Variants in MAF1 observed in about 807,000 individuals in gnomAD.
MAF1 encodes MAF1 negative regulator of RNA polymerase III, also known as repressor of RNA polymerase III transcription MAF1 homolog.
In MAF1, 7 loss-of-function variants were observed where a neutral mutation model predicts 31.9. The observed-to-expected ratio is 0.22, with a 90% confidence interval of 0.12 to 0.41. The LOEUF (loss-of-function observed/expected upper bound fraction) is 0.41. Among genes scored for constraint, MAF1 ranks in the 10% least tolerant of loss-of-function variants. The pLI is 1.00. For missense variants in MAF1, 221 were observed against 323.1 expected, an observed-to-expected ratio of 0.68 and a Z score of 2.42; for synonymous variants, 157 against 120.0, an observed-to-expected ratio of 1.31 and a Z score of -2.02.
chr8:144,106,068 C>T lies in MAF1; in HGVS notation c.213-8C>T, dbSNP rs773124678. 84 of 1,613,634 alleles carry T rather than the reference C, an allele frequency of 5.2e-5. No homozygotes were observed. Among genetic ancestry groups the T allele is most frequent in the Admixed American group, 8.3e-5 (5 of 60,032 alleles). On this transcript the variant is annotated splice_polypyrimidine_tract_variant and splice_region_variant and intron_variant, in intron 3 of 7. Coordinates refer to ENST00000322428, the MANE Select transcript of MAF1 (RefSeq NM_032272.5). ...TGATGGGCCCAGCTGATGGTTCTGT[C>T]TGTGCAGACTCAGCAAAAGCCAAGG...
At position 144,107,213 on chromosome 8, in the gene MAF1, C is replaced by A; in HGVS notation, c.*104C>A. The A allele has an allele frequency of 7.0e-7, 1 of 1,428,004 alleles. No homozygotes were observed. Among genetic ancestry groups the A allele is most frequent in the Non-Finnish European group, 9.6e-7 (1 of 1,036,386 alleles). 88.5% of individuals were successfully genotyped at this position (1,428,004 alleles called of 1,614,324 possible). On this transcript the variant is annotated 3_prime_UTR_variant, in exon 8 of 8. Transcript: ENST00000322428. ...TCCCCAGCTGCTGGCCAGACCCTGG[C>A]GCTGCCACAGTCCTGGCACTGCCCA...
rs757765007 is a variant in MAF1 at position 144,106,148 on chromosome 8, C to G, written c.285C>G (p.Tyr95Ter). The change falls in exon 4 of 8, where the codon TAC becomes TAG. Residue 95 changes from tyrosine (Y) to a stop codon, truncating the protein, a stop_gained. Transcript: ENST00000322428. LOFTEE classifies it high-confidence loss of function. ...AGTGCAGCCGCAAGACCCTCTTCTACCTGATTGCCACGCTCAATGAGTCCT... is the reference window on the plus strand; with the variant it reads ...AGTGCAGCCGCAAGACCCTCTTCTAGCTGATTGCCACGCTCAATGAGTCCT... ...SDKCSRKTLF[Y>*]LIATLNESFR... 1 of 1,613,824 alleles carries G rather than the reference C, an allele frequency of 6.2e-7. No homozygotes were observed. Among genetic ancestry groups the G allele is most frequent in the Admixed American group, 1.7e-5 (1 of 60,028 alleles).
rs1335666729 is a variant in MAF1, at chr8:144,107,514, G to A, written c.*405G>A. The A allele has an allele frequency of 2.0e-5, 12 of 592,662 alleles. No homozygotes were observed. The highest frequency in any genetic ancestry group is 5.8e-5 in the Admixed American group (2 of 34,358). The allele number at this position is 592,662 out of a possible 1,614,324, so 36.7% of individuals were successfully genotyped here. ...CCGGCTCTGGTCTTGGGCCGGCCCC[G>A]GTGCCCACCTGTACCCCCACCTCGC... is the stretch of plus-strand genomic sequence containing the variant. On this transcript the variant is annotated 3_prime_UTR_variant, in exon 8 of 8. Transcript: ENST00000322428.
Position 144,105,708 on chromosome 8 carries a change from T to C in MAF1, c.25T>C (p.Phe9Leu), listed in dbSNP as rs766596518. 7 of 1,613,236 alleles carry C rather than the reference T, an allele frequency of 4.3e-6. No individual in the cohort carries two copies. Among genetic ancestry groups the C allele is most frequent in the Non-Finnish European group, 5.9e-6 (7 of 1,180,008 alleles). MKLLENSS[F>L]EAINSQLTVE... ...CATGAAGCTATTGGAGAACTCGAGC[T>C]TTGAAGCCATCAACTCACAGCTGAC... The change falls in exon 2 of 8, where the codon TTT becomes CTT. Residue 9 changes from phenylalanine to leucine, a missense_variant. By Grantham distance (22) the Phe-to-Leu change is conservative (BLOSUM62 0). Coordinates refer to ENST00000322428, the MANE Select transcript of MAF1 (RefSeq NM_032272.5).
chr8:144,106,270 A>G (rs1836412492), intron 4 of MAF1, 29 bp downstream of exon 4: 1 of 1,613,334 alleles, frequency 6.2e-7, no homozygotes, highest in African/African-American at 1.3e-5. Flanking sequence ...GAAGGGACCC[A>G]CAGCCACCCC....
chr8:144,106,927 G>C lies in MAF1; in HGVS notation c.713G>C (p.Ser238Thr). The C allele has an allele frequency of 6.6e-7, 1 of 1,515,050 alleles. No homozygotes were observed. The highest frequency in any genetic ancestry group is 8.8e-7 in the Non-Finnish European group (1 of 1,133,814). 93.9% of individuals were successfully genotyped at this position (1,515,050 alleles called of 1,614,324 possible). A position where few individuals can be genotyped will look rare whatever the true frequency, so the allele number is the denominator to read the frequency against. ...GAGGAAGAAAGCAGAAGCGGGGGCA[G>C]TGGGGCCGAGGAGACCAGCACCATG... ...EVEEESRSGG[S>T]GAEETSTMEE... The change falls in exon 7 of 8, where the codon AGT (serine) becomes ACT (threonine). Residue 238 changes from serine to threonine, a missense_variant. Physicochemically the swap from Ser to Thr is moderately conservative, Grantham distance 58 (BLOSUM62 1). This residue lies in a region of MAF1 where 75 missense variants were observed against 60.1 expected (regional missense o/e 1.25). Transcript: ENST00000322428.
intron 2 of MAF1, 23 bp from the exon 3 acceptor site, chr8:144,105,846 A>G (rs748630931): frequency 3.7e-6 from 6 of 1,612,808 alleles, no homozygotes; most frequent in East Asian, 4.5e-5. Context: ...AGCATGCTTC[A>G]TGGTTCTCTC....
chr8:144,107,470 G>A lies in MAF1; in HGVS notation c.*361G>A, dbSNP rs1400733996. 3 of 583,588 alleles carry A rather than the reference G, an allele frequency of 5.1e-6. No individual in the cohort carries two copies. The highest frequency in any genetic ancestry group is 9.2e-6 in the Non-Finnish European group (3 of 326,922). 36.2% of individuals were successfully genotyped at this position (583,588 alleles called of 1,614,324 possible). Reference sequence around the variant, plus strand: ...AAGGGTCTGTGGCCGGAGGCCCCACGAGCAGGCCCCAGCAGTCACCGGCTC... The same window carrying A: ...AAGGGTCTGTGGCCGGAGGCCCCACAAGCAGGCCCCAGCAGTCACCGGCTC... On this transcript the variant is annotated 3_prime_UTR_variant, in exon 8 of 8. Transcript: ENST00000322428.
Position 144,106,438 on chromosome 8 carries a change from C to T in MAF1, c.474C>T (p.Ile158=). ...PQLWNAVDEE[I]CLAECDIYSY... is the part of the protein sequence containing the mutation. The stretch of plus-strand genomic sequence containing the variant: ...TGTGGAACGCGGTGGACGAGGAGAT[C>T]TGCCTGGCTGAATGTGACATCTACA... Residue 158 remains isoleucine, a synonymous_variant, in exon 5 of 8, where the codon ATC becomes ATT. Coordinates refer to ENST00000322428, the MANE Select transcript of MAF1 (RefSeq NM_032272.5). The T allele has an allele frequency of 6.2e-7, 1 of 1,613,998 alleles. No homozygotes were observed. The highest frequency in any genetic ancestry group is 1.1e-5 in the South Asian group (1 of 91,084).
At position 144,107,344 on chromosome 8, in the gene MAF1, G is replaced by GGGAGGAGCGACTGCCCTGCCC. The variant is rs1836435613; in HGVS notation, c.*236_*256dup. ...CGGACTTGTCAGCAGGGGGCCTGGT[G>GGGAGGAGCGACTGCCCTGCCC]GGAGGAGCGACTGCCCTGCCCAAAT... On this transcript the variant is annotated 3_prime_UTR_variant, in exon 8 of 8. Transcript: ENST00000322428. The GGGAGGAGCGACTGCCCTGCCC allele has an allele frequency of 1.1e-5, 7 of 614,216 alleles. No homozygotes were observed. The highest frequency in any genetic ancestry group is 2.0e-5 in the Non-Finnish European group (7 of 346,796). 38.0% of individuals were successfully genotyped at this position (614,216 alleles called of 1,614,324 possible).
intron 7 of MAF1, 41 bp from the exon 8 acceptor site, chr8:144,107,041 CTAAGTG>C: frequency 6.4e-7 from 1 of 1,565,356 alleles, no homozygotes; most frequent in South Asian, 1.2e-5. Flanking sequence ...TCTACTTGGT[CTAAGTG>C]GTGGCTCCTG....
In MAF1 at chr8:144,107,102, G is replaced by T; in HGVS notation, c.764G>T (p.Cys255Phe). ...TMEEDRVPVI[C>F]I ...CCTCCGCCCAGGGTCCCAGTGATCTGTATTTGATGAGGAGGAGCCGAGGCC... is the reference window on the plus strand; with the variant it reads ...CCTCCGCCCAGGGTCCCAGTGATCTTTATTTGATGAGGAGGAGCCGAGGCC... The change falls in exon 8 of 8, where the codon TGT (cysteine) becomes TTT (phenylalanine). Residue 255 changes from cysteine (C) to phenylalanine (F), a missense_variant. By Grantham distance (205) the Cys-to-Phe change is radical. Around this residue, in one of 2 missense-constraint regions of MAF1, gnomAD observed 75 missense variants for 60.1 expected, o/e 1.25. Transcript: ENST00000322428. 6.4e-7 allele frequency: 1 copy of T among 1,571,096 alleles called. No individual in the cohort carries two copies. Among genetic ancestry groups the T allele is most frequent in the Non-Finnish European group, 8.6e-7 (1 of 1,158,274 alleles).
rs1467412060 is a variant in MAF1, at chr8:144,106,897, A to T, written c.683A>T (p.Glu228Val). The T allele has an allele frequency of 6.5e-7, 1 of 1,530,134 alleles. No individual in the cohort carries two copies. Among genetic ancestry groups the T allele is most frequent in the South Asian group, 1.3e-5 (1 of 76,678 alleles). 94.8% of individuals were successfully genotyped at this position (1,530,134 alleles called of 1,614,324 possible). A position where few individuals can be genotyped will look rare whatever the true frequency, so the allele number is the denominator to read the frequency against. The change falls in exon 7 of 8, where the codon GAG becomes GTG. Residue 228 changes from glutamate (E) to valine (V), a missense_variant. Transcript: ENST00000322428. Reference sequence around the variant, plus strand: ...CTGGACATGGAGCTGGGGGAGGAGGAGGTGGAGGAAGAAAGCAGAAGCGGG... The same window carrying T: ...CTGGACATGGAGCTGGGGGAGGAGGTGGTGGAGGAAGAAAGCAGAAGCGGG... ...NELDMELGEE[E>V]VEEESRSGGS...
rs776696108 is a variant in MAF1, at chr8:144,105,854, C to T, written c.84-15C>T. On this transcript the variant is annotated splice_polypyrimidine_tract_variant and intron_variant, in intron 2 of 7. Coordinates refer to ENST00000322428, the MANE Select transcript of MAF1 (RefSeq NM_032272.5). ...TGGGGGAAGCATGCTTCATGGTTCT[C>T]TCTGCATCCTATAGGATTGAGAGCT... 3 of 1,612,966 alleles carry T rather than the reference C, an allele frequency of 1.9e-6. No individual in the cohort carries two copies. Among genetic ancestry groups the T allele is most frequent in the East Asian group, 4.5e-5 (2 of 44,886 alleles).
Position 144,106,132 on chromosome 8 carries a change from G to A in MAF1, c.269G>A (p.Arg90His). 1.9e-6 allele frequency: 3 copies of A among 1,613,776 alleles called. No individual in the cohort carries two copies. The highest frequency in any genetic ancestry group is 2.2e-5 in the East Asian group (1 of 44,892). ...EEGPLSDKCS[R>H]KTLFYLIATL... is the part of the protein sequence containing the mutation. ...GGCCCCCTCAGTGACAAGTGCAGCC[G>A]CAAGACCCTCTTCTACCTGATTGCC... is the stretch of plus-strand genomic sequence containing the variant. Residue 90 changes from arginine (R) to histidine (H), a missense_variant, in exon 4 of 8, where the codon CGC becomes CAC. This residue lies in a region of MAF1 where 146 missense variants were observed against 263.1 expected (regional missense o/e 0.56). Transcript: ENST00000322428.
In MAF1 at chr8:144,105,640, G is replaced by T. The variant is rs200240443; in HGVS notation, c.-44G>T. On this transcript the variant is annotated splice_region_variant and 5_prime_UTR_variant, in exon 2 of 8. Transcript: ENST00000322428. ...CATGGTCTGGTCTCTCACTCCCCAG[G>T]CAATACTAGCCCCTCTGGAGCACGG... is the stretch of plus-strand genomic sequence containing the variant. 6.4e-7 allele frequency: 1 copy of T among 1,562,808 alleles called. No individual in the cohort carries two copies. The highest frequency in any genetic ancestry group is 1.1e-5 in the South Asian group (1 of 90,084).
In MAF1 at chr8:144,107,321, G is replaced by C; in HGVS notation, c.*212G>C. 1 of 652,820 alleles carries C rather than the reference G, an allele frequency of 1.5e-6. No homozygotes were observed. The highest frequency in any genetic ancestry group is 2.7e-5 in the East Asian group (1 of 36,558). 40.4% of individuals were successfully genotyped at this position (652,820 alleles called of 1,614,324 possible). On this transcript the variant is annotated 3_prime_UTR_variant, in exon 8 of 8. Coordinates refer to ENST00000322428, the MANE Select transcript of MAF1 (RefSeq NM_032272.5). ...ACTCCTGCTGCCCATGCTGTGGCCG[G>C]ACTTGTCAGCAGGGGGCCTGGTGGG...
intron 1 of MAF1, 99 bp downstream of exon 1, chr8:144,104,957 A>G (rs1405688532): frequency 6.6e-6 from 1 of 152,216 alleles, no homozygotes; most frequent in Non-Finnish European, 1.5e-5. Context: ...TTGTAGTTCC[A>G]CCGCGGCTTG....
At position 144,106,155 on chromosome 8, in the gene MAF1, G is replaced by T; in HGVS notation, c.292G>T (p.Ala98Ser). ...CSRKTLFYLI[A>S]TLNESFRPDY... ...CCGCAAGACCCTCTTCTACCTGATT[G>T]CCACGCTCAATGAGTCCTTCAGGCC... Residue 98 changes from alanine to serine, a missense_variant, in exon 4 of 8, where the codon GCC becomes TCC. Transcript: ENST00000322428. 6.2e-7 allele frequency: 1 copy of T among 1,613,812 alleles called. No individual in the cohort carries two copies. Among genetic ancestry groups the T allele is most frequent in the South Asian group, 1.1e-5 (1 of 91,086 alleles).
Sources: gnomAD v4.1 joint callset for allele counts on GRCh38, gnomAD v4.1.1 for gene constraint, gnomAD v4.1.1 regional missense constraint, MANE v1.5 for transcripts, NCBI Gene and HGNC (gene_info 2026-07-23, HGNC 2026-07-21) for gene names.